TG: variants seen among roughly 807,000 people sequenced by gnomAD.
The protein encoded by TG is thyroid hormones.
Under a neutral mutation model 324.7 loss-of-function variants are expected in TG, and 270 were observed. The ratio of observed to expected loss-of-function variants is 0.83; its 90% CI spans 0.75 to 0.92. The LOEUF (loss-of-function observed/expected upper bound fraction) is 0.92. TG is among the 40% of genes least tolerant of loss of function. The pLI is 0.00. For synonymous variants in TG, 1,401 were observed against 1,327.0 expected, an observed-to-expected ratio of 1.06 and a Z score of -1.21; for missense variants, 3,591 against 3,456.4, an observed-to-expected ratio of 1.04 and a Z score of -0.98.
intron 40 of TG, among the ~76,000 whole-genome samples, chr8:133,025,176 G>A (rs1014587978): frequency 6.6e-6 from 1 of 152,214 alleles, no homozygotes; most frequent in Non-Finnish European, 1.5e-5. Flanking sequence ...TAAGGAAAGG[G>A]CAGAGCAGCA....
At chr8:132,933,743 C>A in intron 24 of TG, 67 bp downstream of exon 24, 1 of 1,451,140 alleles carries the variant, frequency 6.9e-7, no homozygotes, top group Non-Finnish European at 9.7e-7. Context: ...CTCTGAGGAG[C>A]GGGCAGCAGG....
chr8:133,105,411 G>C (rs1481907132), intron 43 of TG, among the ~76,000 whole-genome samples: 1 of 152,150 alleles, frequency 6.6e-6, no homozygotes, highest in Non-Finnish European at 1.5e-5. Context: ...GCAAAATGTA[G>C]GGGAAGAGGG....
chr8:132,970,615 A>G (rs1461046453), intron 32 of TG, among the ~76,000 whole-genome samples: 2 of 152,178 alleles, frequency 1.3e-5, no homozygotes, highest in East Asian at 1.9e-4. Flanking sequence ...GGGTAAAAAG[A>G]TGAGGCAGGC....
intron 41 of TG, chr8:133,074,833 G>T: frequency 1.0e-6 from 1 of 985,110 alleles, no homozygotes; most frequent in Non-Finnish European, 1.2e-6. Flanking sequence ...CCCCATCTCT[G>T]CCACATACTC....
Position 133,131,920 on chromosome 8 carries a change from G to A in TG, c.7971G>A (p.Gln2657=), listed in dbSNP as rs1851976411. Residue 2657 remains glutamine, a synonymous_variant, in exon 46 of 48, where the codon CAG becomes CAA. Coordinates refer to ENST00000220616, the MANE Select transcript of TG (RefSeq NM_003235.5). ...EEKSLSLKIM[Q]YFSHFIRSGN... is the part of the protein sequence containing the mutation. Reference sequence around the variant, plus strand: ...AGAGCCTGTCGCTGAAAATCATGCAGTACTTTTCCCACTTCATCAGATCAG... The same window carrying A: ...AGAGCCTGTCGCTGAAAATCATGCAATACTTTTCCCACTTCATCAGATCAG... 1.2e-6 allele frequency: 2 copies of A among 1,614,036 alleles called. No homozygotes were observed. Among genetic ancestry groups the A allele is most frequent in the Non-Finnish European group, 1.7e-6 (2 of 1,180,042 alleles).
rs182761016 is a variant in TG, at chr8:132,943,142, A to G, written c.5233+1600A>G. Among the ~76,000 whole-genome samples the G allele has an allele frequency of 4.6e-5, 7 of 152,164 alleles. No homozygotes were observed. In the East Asian group the frequency reaches 9.7e-4, roughly 21 times the overall value. ...CAGGCCCATGCCTGATACAATTTGGATGTTTGTCCCTCCTCATCTCATGTT... is the reference window on the plus strand; with the variant it reads ...CAGGCCCATGCCTGATACAATTTGGGTGTTTGTCCCTCCTCATCTCATGTT... On this transcript the variant is annotated intron_variant, in intron 26 of 47. Coordinates refer to ENST00000220616, the MANE Select transcript of TG (RefSeq NM_003235.5).
chr8:132,966,772 C>G, intron 30 of TG, 75 bp downstream of exon 30: 1 of 1,605,050 alleles, frequency 6.2e-7, no homozygotes, highest in South Asian at 1.1e-5. Context: ...CTGGCAACTC[C>G]TGAGACACAG....
At position 132,873,048 on chromosome 8, in the gene TG, G is replaced by A. The variant is rs373328634; in HGVS notation, c.479-14G>A. On this transcript the variant is annotated splice_polypyrimidine_tract_variant and intron_variant, in intron 4 of 47. Transcript: ENST00000220616. ...ACTCATATATAAGGATTTTTTTTTC[G>A]TGAAAATGTTTAGGTCCAAGGAGCT... 101 of 1,609,724 alleles carry A rather than the reference G, an allele frequency of 6.3e-5. No individual in the cohort carries two copies. The highest frequency in any genetic ancestry group is 1.4e-4 in the Admixed American group (8 of 59,224).
At chr8:133,014,807 G>T (rs978797451) in intron 37 of TG, among the ~76,000 whole-genome samples, 2 of 152,148 alleles carry the variant, frequency 1.3e-5, no homozygotes, top group Admixed American at 1.3e-4. Flanking sequence ...TGCTTTGATC[G>T]CTAGGTGATG....
At chr8:133,033,341 G>A (rs139173965) in intron 41 of TG, among the ~76,000 whole-genome samples, 17 of 152,228 alleles carry the variant, frequency 1.1e-4, no homozygotes, top group East Asian at 9.6e-4. Context: ...TATTTCACCC[G>A]TCCTGAGGCC....
intron 2 of TG, among the ~76,000 whole-genome samples, chr8:132,868,643 A>T (rs1839194109): frequency 6.6e-6 from 1 of 152,074 alleles, no homozygotes; most frequent in Non-Finnish European, 1.5e-5. Flanking sequence ...GGCTGCCTTG[A>T]CTTCCTAGTC....
intron 45 of TG, among the ~76,000 whole-genome samples, chr8:133,119,562 A>G (rs1035354789): frequency 1.3e-5 from 2 of 152,066 alleles, no homozygotes; most frequent in African/African-American, 2.4e-5. Flanking sequence ...GGGGACAAAC[A>G]TTTTCCCTAA....
intron 41 of TG, chr8:133,060,116 G>A (rs1426543289): frequency 3.1e-6 from 5 of 1,606,118 alleles, no homozygotes. Context: ...GGTTGGGCAG[G>A]GGCCTCTCGG....
At chr8:133,103,180 A>T (rs1001199657) in intron 43 of TG, 45 of 154,064 alleles carry the variant, frequency 2.9e-4, no homozygotes, top group Non-Finnish European at 1.2e-4. Context: ...TCTTAGCTTT[A>T]GCCACACGAT....
chr8:132,901,615 G>C, intron 16 of TG, 62 bp downstream of exon 16: 1 of 1,552,760 alleles, frequency 6.4e-7, no homozygotes. Flanking sequence ...ATCCAGACTG[G>C]GTGAAGTACT....
chr8:133,026,493 C>T (rs1217688576), intron 40 of TG, among the ~76,000 whole-genome samples: 1 of 152,170 alleles, frequency 6.6e-6, no homozygotes, highest in African/African-American at 2.4e-5. Context: ...AGGACAGACC[C>T]CAGGGGGCAT....
At chr8:132,985,642 A>G (rs556526286) in intron 35 of TG, among the ~76,000 whole-genome samples, 208 of 152,260 alleles carry the variant, frequency 1.4e-3, no homozygotes, top group South Asian at 2.9e-3. Context: ...AATTGTCAAG[A>G]TTTTCAGCTA....
intron 23 of TG, among the ~76,000 whole-genome samples, chr8:132,929,507 G>A (rs1299522638): frequency 2.0e-5 from 3 of 152,176 alleles, no homozygotes; most frequent in Non-Finnish European, 2.9e-5. Context: ...GGCCAGAGAG[G>A]TGGTAATAAA....
At chr8:133,023,895 G>A (rs926302649) in intron 40 of TG, among the ~76,000 whole-genome samples, 1 of 152,296 alleles carries the variant, frequency 6.6e-6, no homozygotes, top group Non-Finnish European at 1.5e-5. Flanking sequence ...GGAAGGAAAC[G>A]GAAGCTTCCA....
Sources: allele counts gnomAD v4.1 joint callset (sites outside exome capture counted in the v4.1 genomes callset), GRCh38; gene constraint gnomAD v4.1.1; transcripts MANE v1.5; gene names NCBI Gene and HGNC (gene_info 2026-07-23, HGNC 2026-07-21).